The following MECOM variants were observed in gnomAD, a reference collection of about 807,000 sequenced individuals.
MECOM encodes the protein MDS1 and EVI1 complex locus, also known as histone-lysine N-methyltransferase MECOM.
In MECOM, 13 loss-of-function variants were observed where a neutral mutation model predicts 116.3. The ratio of observed to expected loss-of-function variants is 0.11; its 90% CI spans 0.07 to 0.18. The LOEUF is 0.18. MECOM is among the 10% of genes least tolerant of loss of function. The probability of loss-of-function intolerance (pLI) is 1.00; values close to 1 mark genes in which losing one functional copy is unlikely to be tolerated. For synonymous variants in MECOM, 528 were observed against 535.2 expected (o/e 0.99, Z 0.19); for missense variants, 1,299 against 1,509.0 (o/e 0.86, Z 2.31).
intron 2 of MECOM, among the ~76,000 whole-genome samples, chr3:169,361,066 T>G (rs1728226561): frequency 6.6e-6 from 1 of 151,888 alleles, no homozygotes; most frequent in African/African-American, 2.4e-5. Flanking sequence ...GAGATAACCC[T>G]TAAAAGGGAG....
intron 1 of MECOM, among the ~76,000 whole-genome samples, chr3:169,445,610 C>A (rs1022811256): frequency 1.3e-5 from 2 of 152,222 alleles, no homozygotes; most frequent in African/African-American, 2.4e-5. Flanking sequence ...AGCCCCCACA[C>A]AGAGTCCCTA....
chr3:169,467,165 T>C (rs958905885), intron 1 of MECOM: 3 of 152,174 alleles, frequency 2.0e-5, no homozygotes, highest in Non-Finnish European at 4.4e-5. Context: ...TAAGGAGAGT[T>C]TGGCAGCCTC....
chr3:169,115,297 G>A, intron 8 of MECOM, 86 bp downstream of exon 8: 4 of 1,325,656 alleles, frequency 3.0e-6, no homozygotes, highest in South Asian at 3.1e-5. Flanking sequence ...TAGTAAAAAT[G>A]ATGTGTTAAA....
At chr3:169,241,890 T>C (rs1415511111) in intron 2 of MECOM, among the ~76,000 whole-genome samples, 3 of 152,232 alleles carry the variant, frequency 2.0e-5, no homozygotes, top group Non-Finnish European at 4.4e-5. Flanking sequence ...ATTGGTGATA[T>C]TAAAATTTTT....
At chr3:169,120,170 A>G (rs1197579055) in intron 7 of MECOM, among the ~76,000 whole-genome samples, 3 of 152,192 alleles carry the variant, frequency 2.0e-5, no homozygotes, top group African/African-American at 7.2e-5. Context: ...GCACAACTCA[A>G]TAAGTCATTG....
intron 1 of MECOM, among the ~76,000 whole-genome samples, chr3:169,502,391 G>A (rs1370346148): frequency 1.3e-5 from 2 of 152,030 alleles, no homozygotes; most frequent in African/African-American, 2.4e-5. Flanking sequence ...GAGATGCCTT[G>A]ACTACTGTCC....
At position 169,254,100 on chromosome 3, in the gene MECOM, G is replaced by A. The variant is rs138272923; in HGVS notation, c.376-110268C>T. On this transcript the variant is annotated intron_variant, in intron 2 of 16. Coordinates refer to ENST00000651503, the MANE Select transcript of MECOM (RefSeq NM_004991.4). ...CTCTTCTGAGTTCCCATGGGCACCAGGGTACATTCTGTTATAAGACTTAGC... is the reference window on the plus strand; with the variant it reads ...CTCTTCTGAGTTCCCATGGGCACCAAGGTACATTCTGTTATAAGACTTAGC... Among the ~76,000 whole-genome samples, 1,322 of 152,144 alleles carry A rather than the reference G, an allele frequency of 8.7e-3. 11 individuals are homozygous for A. Among genetic ancestry groups the A allele is most frequent in the Non-Finnish European group, 8.1e-3 (549 of 68,002 alleles).
At chr3:169,165,457 A>T (rs1743437387) in intron 2 of MECOM, among the ~76,000 whole-genome samples, 1 of 152,120 alleles carries the variant, frequency 6.6e-6, no homozygotes, top group Non-Finnish European at 1.5e-5. Flanking sequence ...GGTTTTAGAG[A>T]TCATGTTTAA....
Position 169,090,080 on chromosome 3 carries a change from A to T in MECOM, c.3321T>A (p.Ser1107Arg), listed in dbSNP as rs1719176956. The change falls in exon 15 of 17, where the codon AGT becomes AGA. Residue 1107 changes from serine (S) to arginine (R), a missense_variant. Transcript: ENST00000651503. ...CCTCAGGGTTTCCTTCATGTAAATT[A>T]CTTGTCACTGGTTCCTTTCCTGTTT... ...TGKTGKEPVT[S>R]NLHEGNPEDD... 1 of 1,613,686 alleles carries T rather than the reference A, an allele frequency of 6.2e-7. No individual in the cohort carries two copies. Among genetic ancestry groups the T allele is most frequent in the Non-Finnish European group, 8.5e-7 (1 of 1,179,696 alleles).
chr3:169,145,447 T>C (rs886873606), intron 2 of MECOM: 3 of 233,516 alleles, frequency 1.3e-5, no homozygotes, highest in Non-Finnish European at 2.5e-5. Context: ...AAAGTTGGAG[T>C]TTGTTGCTGG....
intron 1 of MECOM, among the ~76,000 whole-genome samples, chr3:169,557,216 A>G (rs993383184): frequency 4.6e-5 from 7 of 152,112 alleles, no homozygotes; most frequent in East Asian, 3.9e-4. Context: ...CTGAAATCCT[A>G]TGTTCCCTCC....
intron 2 of MECOM, among the ~76,000 whole-genome samples, chr3:169,313,607 G>A (rs1209053945): frequency 6.6e-6 from 1 of 152,212 alleles, no homozygotes; most frequent in Non-Finnish European, 1.5e-5. Context: ...ACAGATACAG[G>A]AGGCTTGGTT....
chr3:169,195,246 G>A (rs774826784), intron 2 of MECOM, among the ~76,000 whole-genome samples: 15 of 152,032 alleles, frequency 9.9e-5, no homozygotes, highest in Admixed American at 2.6e-4. Context: ...CAGGTGAAAT[G>A]AGCCTGCTGT....
At chr3:169,475,269 T>C (rs1378875799) in intron 1 of MECOM, among the ~76,000 whole-genome samples, 1 of 152,232 alleles carries the variant, frequency 6.6e-6, no homozygotes, top group Non-Finnish European at 1.5e-5. Flanking sequence ...AATAAGTATC[T>C]TTCATGATTA....
At chr3:169,495,771 A>G (rs6797464) in intron 1 of MECOM, among the ~76,000 whole-genome samples, 134,469 of 152,210 alleles carry the variant, frequency 0.88, 60,286 homozygotes, top group East Asian at 0.98. Context: ...CATTAGTCAC[A>G]TTGTACTTAC....
At chr3:169,421,385 G>A (rs780576734) in intron 1 of MECOM, among the ~76,000 whole-genome samples, 2 of 152,122 alleles carry the variant, frequency 1.3e-5, no homozygotes, top group Non-Finnish European at 2.9e-5. Context: ...CTTCTAGATT[G>A]CTGTGCTGTT....
At chr3:169,516,934 C>T (rs146744374) in intron 1 of MECOM, among the ~76,000 whole-genome samples, 4 of 152,126 alleles carry the variant, frequency 2.6e-5, no homozygotes, top group South Asian at 2.1e-4. Flanking sequence ...TGCAGGCAAA[C>T]GAAAAAGGTC....
intron 2 of MECOM, among the ~76,000 whole-genome samples, chr3:169,291,001 C>G (rs1462176887): frequency 6.6e-6 from 1 of 152,144 alleles, no homozygotes; most frequent in Non-Finnish European, 1.5e-5. Context: ...TCAACAGTTA[C>G]CAGCCACCTG....
At chr3:169,286,014 T>C (rs1205968859) in intron 2 of MECOM, among the ~76,000 whole-genome samples, 3 of 152,252 alleles carry the variant, frequency 2.0e-5, no homozygotes, top group Non-Finnish European at 4.4e-5. Flanking sequence ...TTTCCATTTA[T>C]GAAAACATGC....
Sources: gnomAD v4.1 joint callset for allele counts (sites outside exome capture counted in the v4.1 genomes callset) on GRCh38, gnomAD v4.1.1 for gene constraint, MANE v1.5 for transcripts, NCBI Gene and HGNC (gene_info 2026-07-23, HGNC 2026-07-21) for gene names.